Variants in OR2AT4 observed in about 807,000 individuals in gnomAD.
The protein encoded by OR2AT4 is olfactory receptor family 2 subfamily AT member 4.
In OR2AT4, 6 loss-of-function variants were observed where a neutral mutation model predicts 10.3. The observed-to-expected ratio is 0.58, with a 90% confidence interval of 0.32 to 1.15. The LOEUF is 1.15. Among genes scored for constraint, OR2AT4 ranks in the 50% most tolerant of loss-of-function variants. The pLI, the probability that OR2AT4 is intolerant of heterozygous loss-of-function variation, is 0.05. For synonymous variants in OR2AT4, 145 were observed against 159.1 expected, an observed-to-expected ratio of 0.91 and a Z score of 0.67; for missense variants, 354 against 393.8, an observed-to-expected ratio of 0.90 and a Z score of 0.85.
At chr11:75,087,690 C>G (rs1401851577) in exon 2 of OR2AT4, 1 of 152,222 alleles carries the variant, frequency 6.6e-6, no homozygotes, top group Non-Finnish European at 1.5e-5. Context: ...ATAGTCAAAA[C>G]ATTGTGTAAA....
chr11:75,088,943 G>T lies in OR2AT4; in HGVS notation c.771C>A (p.Tyr257Ter), dbSNP rs770594253. The T allele has an allele frequency of 1.2e-6, 2 of 1,614,248 alleles. No individual in the cohort carries two copies. The highest frequency in any genetic ancestry group is 1.1e-5 in the South Asian group (1 of 91,088). ...CCACGTAGGCTATGGCAATAGATGA[G>T]TAGTAGGTGCCCACGACCAGAAGGT... The change falls in exon 2 of 2, where the codon TAC (tyrosine) becomes TAA (stop). Residue 257 changes from tyrosine (Y) to a stop codon, truncating the protein, a stop_gained. Transcript: ENST00000641504. LOFTEE classifies it high-confidence loss of function.
exon 2 of OR2AT4, chr11:75,082,973 G>A (rs1949273323): frequency 1.3e-5 from 2 of 151,768 alleles, no homozygotes; most frequent in Non-Finnish European, 2.9e-5. Flanking sequence ...CAGCTACTCG[G>A]GAGGCTGGGG....
At position 75,089,682 on chromosome 11, in the gene OR2AT4, T is replaced by C. The variant is rs1360318771; in HGVS notation, c.32A>G (p.Asp11Gly). The stretch of plus-strand genomic sequence containing the variant: ...CAATAGATAGAAGACGGGTGAGCCA[T>C]CCACTGATTCATTACAGGCTGTGGC... Residue 11 changes from aspartate to glycine, a missense_variant, in exon 2 of 2, where the codon GAT (aspartate) becomes GGT (glycine). Coordinates refer to ENST00000641504, the Ensembl canonical transcript of OR2AT4. 2.5e-6 allele frequency: 4 copies of C among 1,613,314 alleles called. No individual in the cohort carries two copies. In the South Asian group the frequency reaches 4.4e-5, roughly 18 times the overall value.
exon 2 of OR2AT4, chr11:75,084,830 T>C (rs541654544): frequency 6.6e-6 from 1 of 152,242 alleles, no homozygotes; most frequent in South Asian, 2.1e-4. Flanking sequence ...AAAATACATT[T>C]GGAATAAAAT....
At chr11:75,090,644 CTT>C (rs1397806797) in intron 1 of OR2AT4, among the ~76,000 whole-genome samples, 2 of 152,142 alleles carry the variant, frequency 1.3e-5, no homozygotes, top group African/African-American at 4.8e-5. Flanking sequence ...ACCAGTAAGA[CTT>C]GTGATAGTCA....
exon 2 of OR2AT4, chr11:75,089,962 G>T (rs1442481619): frequency 4.2e-6 from 2 of 474,686 alleles, no homozygotes; most frequent in East Asian, 6.5e-5. Flanking sequence ...CAACCAAATA[G>T]AAGTCTGTAT....
In OR2AT4 at chr11:75,089,137, A is replaced by G. The variant is rs200182156; in HGVS notation, c.577T>C (p.Ser193Pro). ...GTCTGGGGGGTGGTGTCAGAGCAGG[A>G]GGCCTGGACCACAGCCAGATGATCA... Residue 193 changes from serine to proline, a missense_variant, in exon 2 of 2, where the codon TCC (serine) becomes CCC (proline). Physicochemically the swap from Ser to Pro is moderately conservative, Grantham distance 74. Coordinates refer to ENST00000641504, the Ensembl canonical transcript of OR2AT4. 1.9e-5 allele frequency: 30 copies of G among 1,614,014 alleles called. No individual in the cohort carries two copies. The highest frequency in any genetic ancestry group is 3.3e-5 in the Admixed American group (2 of 59,992).
At chr11:75,085,563 C>T (rs1201978240) in exon 2 of OR2AT4, 1 of 152,096 alleles carries the variant, frequency 6.6e-6, no homozygotes, top group Non-Finnish European at 1.5e-5. Context: ...AAGAAAACTA[C>T]ACTCTGGTAT....
chr11:75,086,562 GA>G, exon 2 of OR2AT4: 1 of 152,176 alleles, frequency 6.6e-6, no homozygotes. Context: ...TATATGGATA[GA>G]AAATGAGCAC....
At chr11:75,092,872 C>T (rs145434309) in intron 1 of OR2AT4, among the ~76,000 whole-genome samples, 6,941 of 151,366 alleles carry the variant, frequency 0.046, 549 homozygotes, top group African/African-American at 0.16. Context: ...CAGGCTGAGG[C>T]GGGCGGATCA....
At chr11:75,090,638 G>T (rs1949316731) in intron 1 of OR2AT4, among the ~76,000 whole-genome samples, 1 of 152,218 alleles carries the variant, frequency 6.6e-6, no homozygotes, top group Non-Finnish European at 1.5e-5. Flanking sequence ...AGAGAAACCA[G>T]TAAGACTTGT....
intron 1 of OR2AT4, among the ~76,000 whole-genome samples, chr11:75,095,673 A>G (rs1487278010): frequency 7.8e-6 from 1 of 128,434 alleles, no homozygotes; most frequent in Non-Finnish European, 1.6e-5. Context: ...TTTTCACCTA[A>G]CCTCTTTTTT....
In OR2AT4 at chr11:75,094,221, A is replaced by G. The variant is rs558626169; in HGVS notation, c.-652+2607T>C. Among the ~76,000 whole-genome samples, 9 of 152,172 alleles carry G rather than the reference A, an allele frequency of 5.9e-5. No individual in the cohort carries two copies. The South Asian group carries it at 1.9e-3, about 32-fold the overall frequency. On this transcript the variant is annotated intron_variant, in intron 1 of 1. Coordinates refer to ENST00000641504, the Ensembl canonical transcript of OR2AT4. Reference sequence around the variant, plus strand: ...AGCCACAGAGATAGGACTGGAGCCCAGGCTCTAACCCCCAGAGCAGCATTC... The same window carrying G: ...AGCCACAGAGATAGGACTGGAGCCCGGGCTCTAACCCCCAGAGCAGCATTC...
intron 1 of OR2AT4, among the ~76,000 whole-genome samples, chr11:75,090,639 T>C (rs1324507471): frequency 1.3e-5 from 2 of 152,176 alleles, no homozygotes; most frequent in Admixed American, 6.5e-5. Context: ...GAGAAACCAG[T>C]AAGACTTGTG....
intron 1 of OR2AT4, among the ~76,000 whole-genome samples, chr11:75,093,675 C>T (rs1246624516): frequency 6.6e-6 from 1 of 152,120 alleles, no homozygotes; most frequent in Non-Finnish European, 1.5e-5. Flanking sequence ...TGATGATTAC[C>T]TTCTCTCTGA....
Position 75,089,576 on chromosome 11 carries a change from AC to A in OR2AT4, c.137del (p.Gly46ValfsTer4), listed in dbSNP as rs1258302086. The stretch of plus-strand genomic sequence containing the variant: ...CCACGGCCACCAGGATCAGGGCATT[AC>A]CCATCAGGATGAGAAGGTAGAAGAG... On this transcript the variant is annotated frameshift_variant, in exon 2 of 2. Coordinates refer to ENST00000641504, the Ensembl canonical transcript of OR2AT4. LOFTEE classifies it high-confidence loss of function. 3 of 1,614,166 alleles carry A rather than the reference AC, an allele frequency of 1.9e-6. No homozygotes were observed. The highest frequency in any genetic ancestry group is 2.5e-6 in the Non-Finnish European group (3 of 1,180,012).
chr11:75,094,016 T>G (rs1949334091), intron 1 of OR2AT4, among the ~76,000 whole-genome samples: 2 of 150,652 alleles, frequency 1.3e-5, no homozygotes, highest in African/African-American at 2.4e-5. Flanking sequence ...AGAGACGGGG[T>G]TTCACCATGT....
chr11:75,091,030 C>T (rs1235543043), intron 1 of OR2AT4, among the ~76,000 whole-genome samples: 1 of 152,212 alleles, frequency 6.6e-6, no homozygotes, highest in Non-Finnish European at 1.5e-5. Flanking sequence ...ATCAACCAGA[C>T]TATCAGCCCA....
At chr11:75,083,569 T>C (rs565812553) in exon 2 of OR2AT4, 18 of 152,332 alleles carry the variant, frequency 1.2e-4, no homozygotes, top group African/African-American at 4.3e-4. Context: ...AAATACGTTA[T>C]TCTATCAAAA....
Sources: gnomAD v4.1 joint callset for allele counts (sites outside exome capture counted in the v4.1 genomes callset) on GRCh38, gnomAD v4.1.1 for gene constraint, MANE v1.5 for transcripts, NCBI Gene and HGNC (gene_info 2026-07-23, HGNC 2026-07-21) for gene names.